The following STAG1 variants were observed in gnomAD, a reference collection of about 807,000 sequenced individuals.
The protein encoded by STAG1 is cohesin subunit SA-1.
STAG1 carries 26 observed loss-of-function variants against 170.9 expected under a neutral mutation model. The observed-to-expected ratio is 0.15, with a 90% confidence interval of 0.11 to 0.21. The LOEUF (loss-of-function observed/expected upper bound fraction) is 0.21, where lower values mean the gene tolerates loss of function less well. STAG1 is among the 10% of genes least tolerant of loss of function. The pLI is 1.00. For synonymous variants in STAG1, 514 were observed against 497.7 expected (o/e 1.03, Z -0.44); for missense variants, 964 against 1,509.5 (o/e 0.64, Z 5.99).
At chr3:136,537,485 T>A (rs1320427439) in intron 6 of STAG1, among the ~76,000 whole-genome samples, 2 of 150,738 alleles carry the variant, frequency 1.3e-5, no homozygotes, top group African/African-American at 4.9e-5. Context: ...TAGTGTCTTT[T>A]TTTTGTTTAT....
In STAG1 at chr3:136,524,089, G is replaced by T. The variant is rs1183603829; in HGVS notation, c.472-2672C>A. On this transcript the variant is annotated intron_variant, in intron 6 of 33. Transcript: ENST00000383202. ...TCTTGGCAATGCGGGCTCTTTTTTG[G>T]TCCCATATGAACTTTAAAGTAGTTT... Among the ~76,000 whole-genome samples, 6 of 150,856 alleles carry T rather than the reference G, an allele frequency of 4.0e-5. No individual in the cohort carries two copies. In the South Asian group the frequency reaches 1.3e-3, roughly 32 times the overall value.
chr3:136,725,986 T>C (rs1933642782), intron 1 of STAG1, among the ~76,000 whole-genome samples: 1 of 152,164 alleles, frequency 6.6e-6, no homozygotes, highest in African/African-American at 2.4e-5. Flanking sequence ...ACATACAGAA[T>C]AAGAACACTT....
intron 1 of STAG1, among the ~76,000 whole-genome samples, chr3:136,665,569 G>A (rs902242249): frequency 3.3e-5 from 5 of 151,958 alleles, no homozygotes; most frequent in Admixed American, 3.3e-4. Flanking sequence ...CACGAGGTCA[G>A]GAGATCGAGA....
intron 6 of STAG1, among the ~76,000 whole-genome samples, chr3:136,540,304 G>T (rs1935828161): frequency 6.7e-6 from 1 of 149,062 alleles, no homozygotes; most frequent in Admixed American, 6.7e-5. Context: ...TAATCAAACT[G>T]TGTTACTTTA....
At chr3:136,718,552 T>C (rs910291934) in intron 1 of STAG1, among the ~76,000 whole-genome samples, 2 of 152,180 alleles carry the variant, frequency 1.3e-5, no homozygotes, top group Admixed American at 1.3e-4. Flanking sequence ...TGTGATGCTA[T>C]CTATGATTCT....
At chr3:136,550,469 G>A (rs755165488) in intron 5 of STAG1, among the ~76,000 whole-genome samples, 8 of 151,868 alleles carry the variant, frequency 5.3e-5, no homozygotes, top group South Asian at 2.1e-4. Flanking sequence ...CACCATGCCC[G>A]GCTAATTTTT....
intron 2 of STAG1, among the ~76,000 whole-genome samples, chr3:136,628,123 T>C (rs1012474106): frequency 4.6e-5 from 7 of 151,932 alleles, no homozygotes; most frequent in East Asian, 1.9e-4. Context: ...CTCTATGCTG[T>C]TGTTGTGATA....
intron 1 of STAG1, among the ~76,000 whole-genome samples, chr3:136,714,948 TATATATATATATATA>T (rs1943485029): frequency 5.3e-5 from 4 of 75,224 alleles, no homozygotes; most frequent in African/African-American, 1.7e-4. Context: ...AATATATATA[TATATATATATATATA>T]TTTTATATAT....
chr3:136,640,896 A>T (rs1381786566), intron 1 of STAG1, among the ~76,000 whole-genome samples: 4 of 152,082 alleles, frequency 2.6e-5, no homozygotes, highest in Admixed American at 2.0e-4. Flanking sequence ...GCTGGTCTCC[A>T]ACTCCTCACC....
At chr3:136,343,364 T>TAAGATCTTAA (rs1365797304) in intron 30 of STAG1, among the ~76,000 whole-genome samples, 1 of 152,244 alleles carries the variant, frequency 6.6e-6, no homozygotes, top group Non-Finnish European at 1.5e-5. Context: ...ATTTATCAAG[T>TAAGATCTTAA]AAGATCTTAA....
intron 1 of STAG1, among the ~76,000 whole-genome samples, chr3:136,651,124 G>A (rs974703498): frequency 1.4e-4 from 22 of 152,018 alleles, no homozygotes; most frequent in Non-Finnish European, 8.8e-5. Flanking sequence ...TAGCACTTTG[G>A]GAGGCCAAGG....
intron 12 of STAG1, among the ~76,000 whole-genome samples, chr3:136,467,987 T>G (rs2089516343): frequency 6.6e-6 from 1 of 152,088 alleles, no homozygotes; most frequent in Non-Finnish European, 1.5e-5. Context: ...AACCTGAATC[T>G]TTGGGACACA....
chr3:136,474,979 A>T lies in STAG1; in HGVS notation c.1027-1342T>A, dbSNP rs747309849. Among the ~76,000 whole-genome samples, 12 of 152,220 alleles carry T rather than the reference A, an allele frequency of 7.9e-5. No homozygotes were observed. In the South Asian group the frequency reaches 1.2e-3, roughly 16 times the overall value. ...GTAAAGAAAGATACAGGGGTGAAAC[A>T]GCCCAGCCTCCTTGCTTCTGTACAG... is the stretch of plus-strand genomic sequence containing the variant. On this transcript the variant is annotated intron_variant, in intron 10 of 33. Coordinates refer to ENST00000383202, the MANE Select transcript of STAG1 (RefSeq NM_005862.3).
chr3:136,493,205 T>C (rs1489786520), intron 9 of STAG1, among the ~76,000 whole-genome samples: 1 of 151,992 alleles, frequency 6.6e-6, no homozygotes, highest in Non-Finnish European at 1.5e-5. Flanking sequence ...TAACCAGGTA[T>C]GGTAGTGTGT....
chr3:136,551,259 GA>G lies in STAG1; in HGVS notation c.395-9065del, dbSNP rs1475857678. ...AGAGAGAGAGAGAGAGAGAGAGAGA[GA>G]GGGAGAGCGAGAGAGCGTGCTCTGT... On this transcript the variant is annotated intron_variant, in intron 5 of 33. Transcript: ENST00000383202. Among the ~76,000 whole-genome samples the G allele has an allele frequency of 1.7e-4, 23 of 131,950 alleles. 2 individuals carry two copies. Among genetic ancestry groups the G allele is most frequent in the Admixed American group, 1.2e-3 (16 of 13,240 alleles). The allele number at this position is 131,950 out of a possible 152,430, so 86.6% of individuals were successfully genotyped here.
intron 1 of STAG1, among the ~76,000 whole-genome samples, chr3:136,668,360 T>G (rs1194764769): frequency 2.1e-5 from 3 of 146,250 alleles, no homozygotes; most frequent in Admixed American, 7.0e-5. Flanking sequence ...ATGATATATA[T>G]TATACATAAT....
chr3:136,526,449 T>C (rs1238346135), intron 6 of STAG1, among the ~76,000 whole-genome samples: 1 of 152,210 alleles, frequency 6.6e-6, no homozygotes, highest in African/African-American at 2.4e-5. Context: ...ATTTGCTTGG[T>C]AGATCTTCCT....
At chr3:136,647,127 A>AT (rs34146098) in intron 1 of STAG1, among the ~76,000 whole-genome samples, 9 of 152,138 alleles carry the variant, frequency 5.9e-5, no homozygotes, top group African/African-American at 1.4e-4. Flanking sequence ...AATTTAACCT[A>AT]TTTTTTTAAA....
chr3:136,398,871 A>C, intron 21 of STAG1, 42 bp from the exon 22 acceptor site: 1 of 1,259,896 alleles, frequency 7.9e-7, no homozygotes, highest in Non-Finnish European at 1.1e-6. Flanking sequence ...AAAAATTCAA[A>C]AAAATGAGAT....
Sources: gnomAD v4.1 joint callset for allele counts (sites outside exome capture counted in the v4.1 genomes callset) on GRCh38, gnomAD v4.1.1 for gene constraint, MANE v1.5 for transcripts, NCBI Gene and HGNC (gene_info 2026-07-23, HGNC 2026-07-21) for gene names.